Variants in TMEM143 observed in about 807,000 individuals in gnomAD.
TMEM143 encodes the protein transmembrane protein 143.
A neutral mutation model predicts 40.3 loss-of-function variants in TMEM143; 45 were observed. That is an observed-to-expected ratio of 1.12 (90% CI 0.88 to 1.43). The LOEUF (loss-of-function observed/expected upper bound fraction) is 1.43. Among genes scored for constraint, TMEM143 ranks in the 40% most tolerant of loss-of-function variants. The pLI, the probability that TMEM143 is intolerant of heterozygous loss-of-function variation, is 0.00. For missense variants in TMEM143, 620 were observed against 613.4 expected (o/e 1.01, Z -0.11); for synonymous variants, 299 against 282.7 (o/e 1.06, Z -0.58).
chr19:48,346,588 A>G (rs2147369976), intron 3 of TMEM143, among the ~76,000 whole-genome samples: 1 of 151,352 alleles, frequency 6.6e-6, no homozygotes, highest in South Asian at 2.1e-4. Context: ...TTATTTATTT[A>G]TTTTTTTGAG....
rs1012092641 is a variant in TMEM143, at chr19:48,349,676, C to G, written c.370-4322G>C. ...CTGGCTCAAAAAAAAAAAGCAGCAG[C>G]CTTCCTCTACTCATCAAACTGAGCA... is the stretch of plus-strand genomic sequence containing the variant. On this transcript the variant is annotated intron_variant, in intron 3 of 7. Transcript: ENST00000293261. 1.5e-4 allele frequency among the ~76,000 whole-genome samples: 23 copies of G among 151,820 alleles called. 1 individual carries two copies. Among genetic ancestry groups the G allele is most frequent in the African/African-American group, 2.4e-5 (1 of 41,354 alleles).
chr19:48,337,070 C>T lies in TMEM143; in HGVS notation c.976-2873G>A, dbSNP rs116352913. On this transcript the variant is annotated intron_variant, in intron 6 of 7. Transcript: ENST00000293261. ...AAAAAAGAAAACCTGTACCTGTACC[C>T]AGATTCCTCCATTCAGCCACAAAAT... 5.6e-3 allele frequency among the ~76,000 whole-genome samples: 850 copies of T among 151,994 alleles called. 12 individuals are homozygous for T. The highest frequency in any genetic ancestry group is 0.019 in the African/African-American group (806 of 41,472).
At chr19:48,354,742 T>C (rs1969848537) in intron 3 of TMEM143, among the ~76,000 whole-genome samples, 1 of 152,084 alleles carries the variant, frequency 6.6e-6, no homozygotes, top group Admixed American at 6.6e-5. Flanking sequence ...CGAAAAAAGA[T>C]CAGAGAGAGG....
At chr19:48,353,951 T>C (rs1379931675) in intron 3 of TMEM143, among the ~76,000 whole-genome samples, 1 of 151,924 alleles carries the variant, frequency 6.6e-6, no homozygotes, top group East Asian at 1.9e-4. Context: ...AAACATCTTT[T>C]AATACATTTC....
intron 3 of TMEM143, among the ~76,000 whole-genome samples, chr19:48,347,554 CTTTT>C (rs1309165553): frequency 1.6e-5 from 2 of 128,444 alleles, no homozygotes; most frequent in Non-Finnish European, 3.3e-5. Flanking sequence ...CTCTACAAAA[CTTTT>C]TTTTTTTTTT....
chr19:48,334,066 C>G lies in TMEM143; in HGVS notation c.1107G>C (p.Ala369=), dbSNP rs761812064. 6.3e-7 allele frequency: 1 copy of G among 1,582,328 alleles called. No homozygotes were observed. The highest frequency in any genetic ancestry group is 8.6e-7 in the Non-Finnish European group (1 of 1,166,006). ...GGGCCAGGAAGCTGTGAGCCAGCAG[C>G]GCCTCCTTGGTGTGCTCGTCCTGCG... ...LRAQDEHTKE[A]LLAHSFLARR... The change falls in exon 7 of 8, where the codon GCG becomes GCC. Residue 369 remains alanine (A), a synonymous_variant. Coordinates refer to ENST00000293261, the MANE Select transcript of TMEM143 (RefSeq NM_018273.4).
chr19:48,360,918 C>G (rs1052462020), intron 2 of TMEM143, among the ~76,000 whole-genome samples: 1 of 151,990 alleles, frequency 6.6e-6, no homozygotes, highest in African/African-American at 2.4e-5. Flanking sequence ...TCCTGAGTAG[C>G]TAAGACTACA....
chr19:48,361,235 T>C (rs1970033436), intron 2 of TMEM143, among the ~76,000 whole-genome samples: 2 of 151,922 alleles, frequency 1.3e-5, no homozygotes, highest in South Asian at 4.2e-4. Context: ...TTTTTTTTTT[T>C]TTGAGAAGGA....
At chr19:48,342,466 A>G (rs1969517300) in intron 6 of TMEM143, 64 bp downstream of exon 6, 1 of 1,511,086 alleles carries the variant, frequency 6.6e-7, no homozygotes, top group Non-Finnish European at 8.9e-7. Context: ...AGAGACAACT[A>G]CAGGGGGCCT....
rs766616891 is a variant in TMEM143 at position 48,334,083 on chromosome 19, C to A, written c.1090G>T (p.Glu364Ter). 1.3e-6 allele frequency: 2 copies of A among 1,588,618 alleles called. No individual in the cohort carries two copies. Among genetic ancestry groups the A allele is most frequent in the South Asian group, 1.1e-5 (1 of 87,918 alleles). The stretch of plus-strand genomic sequence containing the variant: ...GCCAGCAGCGCCTCCTTGGTGTGCT[C>A]GTCCTGCGCGCGCAGGGCCAGGGCG... The part of the protein sequence containing the change: ...LSALALRAQD[E>*]HTKEALLAHS... Residue 364 changes from glutamate to a stop codon, truncating the protein, a stop_gained, in exon 7 of 8, where the codon GAG becomes TAG. Transcript: ENST00000293261. LOFTEE classifies it high-confidence loss of function.
chr19:48,359,718 A>C (rs1969994179), intron 3 of TMEM143, among the ~76,000 whole-genome samples: 1 of 152,126 alleles, frequency 6.6e-6, no homozygotes, highest in South Asian at 2.1e-4. Flanking sequence ...CGTGTTAGCC[A>C]GGATGGTCTC....
At chr19:48,349,400 T>G (rs1030103941) in intron 3 of TMEM143, among the ~76,000 whole-genome samples, 1 of 152,082 alleles carries the variant, frequency 6.6e-6, no homozygotes, top group Non-Finnish European at 1.5e-5. Flanking sequence ...CCCAACACCT[T>G]GGGAGAACAA....
At chr19:48,348,296 G>T (rs184086044) in intron 3 of TMEM143, among the ~76,000 whole-genome samples, 57 of 152,226 alleles carry the variant, frequency 3.7e-4, no homozygotes, top group African/African-American at 1.3e-3. Context: ...CCTGGACATT[G>T]CACGTGATCC....
intron 3 of TMEM143, among the ~76,000 whole-genome samples, chr19:48,357,579 A>G (rs887431201): frequency 1.4e-4 from 20 of 147,660 alleles, no homozygotes; most frequent in Non-Finnish European, 2.5e-4. Flanking sequence ...GATGGTCTCG[A>G]TCTCCTGACC....
intron 3 of TMEM143, among the ~76,000 whole-genome samples, chr19:48,350,659 C>T (rs1338784828): frequency 6.6e-6 from 1 of 152,080 alleles, no homozygotes; most frequent in Non-Finnish European, 1.5e-5. Context: ...CAGTGGCTCA[C>T]GCCTGTAATC....
In TMEM143 at chr19:48,342,895, T is replaced by C. The variant is rs1600904201; in HGVS notation, c.696-86A>G. On this transcript the variant is annotated intron_variant, in intron 5 of 7. Coordinates refer to ENST00000293261, the MANE Select transcript of TMEM143 (RefSeq NM_018273.4). ...CCAATCCTAGGACGCTCACTCTGGC[T>C]CTACAGTCGCACAACCATCTTAAAA... 2.8e-6 allele frequency: 4 copies of C among 1,448,166 alleles called. No individual in the cohort carries two copies. The South Asian group carries it at 4.2e-5, about 15-fold the overall frequency. The allele number at this position is 1,448,166 out of a possible 1,614,324, so 89.7% of individuals were successfully genotyped here. A position where few individuals can be genotyped will look rare whatever the true frequency, so the allele number is the denominator to read the frequency against.
chr19:48,338,169 G>C (rs1260768911), intron 6 of TMEM143, among the ~76,000 whole-genome samples: 1 of 152,082 alleles, frequency 6.6e-6, no homozygotes, highest in Non-Finnish European at 1.5e-5. Context: ...CAACCTGTCA[G>C]TCCCAACCCC....
chr19:48,333,063 G>T lies in TMEM143; in HGVS notation c.*156C>A. On this transcript the variant is annotated 3_prime_UTR_variant, in exon 8 of 8. Transcript: ENST00000293261. This position sits in a 1 kb window ranked among gnomAD's most constrained non-coding sequence, Gnocchi z 4.1. ...TTAACAACTGCTAGCTGCTTTGATT[G>T]GCTGCTTTGCTTAAGCACACAGTGC... The T allele has an allele frequency of 3.9e-6, 2 of 512,312 alleles. No homozygotes were observed. The highest frequency in any genetic ancestry group is 6.4e-6 in the Non-Finnish European group (2 of 314,122). 31.7% of individuals were successfully genotyped at this position (512,312 alleles called of 1,614,324 possible).
At chr19:48,351,074 C>T (rs1969760624) in intron 3 of TMEM143, among the ~76,000 whole-genome samples, 1 of 152,088 alleles carries the variant, frequency 6.6e-6, no homozygotes, top group South Asian at 2.1e-4. Context: ...CCAGATATCT[C>T]GCTTGAGCTC....
Sources: gnomAD v4.1 joint callset for allele counts (sites outside exome capture counted in the v4.1 genomes callset) on GRCh38, gnomAD v4.1.1 for gene constraint, Gnocchi (gnomAD v3.1) non-coding constraint, MANE v1.5 for transcripts, NCBI Gene and HGNC (gene_info 2026-07-23, HGNC 2026-07-21) for gene names.